The following RPA1 variants were observed in gnomAD, a reference collection of about 807,000 sequenced individuals.
RPA1 encodes the protein replication protein A 70 kDa DNA-binding subunit.
In RPA1, 49 loss-of-function variants were observed where a neutral mutation model predicts 83.0. The ratio of observed to expected loss-of-function variants is 0.59; its 90% CI spans 0.47 to 0.75. RPA1 has a LOEUF of 0.75. Ranked by LOEUF, RPA1 falls within the 30% of genes least tolerant of loss-of-function variation. The pLI is 0.00. For synonymous variants in RPA1, 279 were observed against 281.8 expected, an observed-to-expected ratio of 0.99 and a Z score of 0.10; for missense variants, 693 against 776.1, an observed-to-expected ratio of 0.89 and a Z score of 1.27.
intron 5 of RPA1, chr17:1,857,976 A>G (rs907572311): frequency 1.8e-5 from 28 of 1,587,768 alleles, no homozygotes; most frequent in Admixed American, 1.2e-4. Context: ...GATAAGAATG[A>G]CAAACAGAAA....
In RPA1 at chr17:1,893,521, G is replaced by T. The variant is rs553559618; in HGVS notation, c.1660-1488G>T. 3.3e-5 allele frequency among the ~76,000 whole-genome samples: 5 copies of T among 152,238 alleles called. No individual in the cohort carries two copies. The South Asian group carries it at 1.0e-3, about 32-fold the overall frequency. On this transcript the variant is annotated intron_variant, in intron 15 of 16. Coordinates refer to ENST00000254719, the MANE Select transcript of RPA1 (RefSeq NM_002945.5). ...TAGCAAAGCTGCTTTCACGCCGTGCGTGACTTGCAAAAAACACTAGGTTGG... is the reference window on the plus strand; with the variant it reads ...TAGCAAAGCTGCTTTCACGCCGTGCTTGACTTGCAAAAAACACTAGGTTGG...
intron 5 of RPA1, among the ~76,000 whole-genome samples, chr17:1,862,378 A>G (rs898774669): frequency 6.6e-6 from 1 of 151,300 alleles, no homozygotes. Context: ...TGCTGTCCAC[A>G]TGGAAGAAGT....
intron 4 of RPA1, 68 bp downstream of exon 4, chr17:1,844,754 C>G: frequency 8.3e-7 from 1 of 1,210,920 alleles, no homozygotes. Context: ...ATAAAAAAGG[C>G]AATAGTGAGT....
At chr17:1,876,455 T>C (rs2151285817) in intron 7 of RPA1, among the ~76,000 whole-genome samples, 1 of 152,278 alleles carries the variant, frequency 6.6e-6, no homozygotes, top group East Asian at 1.9e-4. Flanking sequence ...CTCAGGAGGC[T>C]GAGGCAGAAG....
intron 1 of RPA1, among the ~76,000 whole-genome samples, chr17:1,834,221 A>T (rs35254243): frequency 0.057 from 8,692 of 152,188 alleles, 360 homozygotes; most frequent in Non-Finnish European, 0.084. Flanking sequence ...AAATAATTTG[A>T]TAAGTTTTTT....
intron 1 of RPA1, among the ~76,000 whole-genome samples, chr17:1,838,976 G>A (rs1486613336): frequency 1.3e-5 from 2 of 151,878 alleles, no homozygotes; most frequent in African/African-American, 2.4e-5. Flanking sequence ...TCAGCCTCCC[G>A]AGTAGCTGGG....
intron 8 of RPA1, 26 bp from the exon 9 acceptor site, chr17:1,878,967 C>A: frequency 6.2e-7 from 1 of 1,613,686 alleles, no homozygotes; most frequent in Admixed American, 1.7e-5. Flanking sequence ...ATCCCGCAGC[C>A]CTAACCTGCC....
chr17:1,856,061 C>T (rs576675424), intron 5 of RPA1, among the ~76,000 whole-genome samples: 11 of 152,224 alleles, frequency 7.2e-5, no homozygotes, highest in Non-Finnish European at 1.2e-4. Flanking sequence ...CAGTGGCTCA[C>T]ACTTGTAATC....
At chr17:1,875,897 T>A in intron 7 of RPA1, 104 bp downstream of exon 7, 1 of 1,080,986 alleles carries the variant, frequency 9.3e-7, no homozygotes, top group Non-Finnish European at 1.2e-6. Flanking sequence ...CACCACCAAA[T>A]ACCACCAAAT....
intron 14 of RPA1, 65 bp from the exon 15 acceptor site, chr17:1,891,768 C>T (rs1224021315): frequency 6.6e-6 from 7 of 1,063,056 alleles, no homozygotes; most frequent in Non-Finnish European, 4.2e-6. Context: ...TTAACCTCTC[C>T]CCATCTTCTC....
chr17:1,888,894 A>G lies in RPA1; in HGVS notation c.1551+43A>G, dbSNP rs528618174. The G allele has an allele frequency of 2.2e-5, 35 of 1,584,080 alleles. No homozygotes were observed. In the South Asian group the frequency reaches 3.3e-4, roughly 15 times the overall value. On this transcript the variant is annotated intron_variant, in intron 14 of 16. Coordinates refer to ENST00000254719, the MANE Select transcript of RPA1 (RefSeq NM_002945.5). ...ATGAGAACCACGGTTGTGTTCACGG[A>G]GGCCCTCCCGTGTGCCAGGCACTGT...
chr17:1,866,574 C>T (rs1913181710), intron 5 of RPA1, among the ~76,000 whole-genome samples: 1 of 152,094 alleles, frequency 6.6e-6, no homozygotes, highest in Non-Finnish European at 1.5e-5. Flanking sequence ...ACCTCTGCCT[C>T]CCGAAGTGCT....
At chr17:1,862,473 GCAGTTGCATGATCTTGGCT>G in intron 5 of RPA1, among the ~76,000 whole-genome samples, 1 of 151,768 alleles carries the variant, frequency 6.6e-6, no homozygotes. Flanking sequence ...AGGCTGGAGT[GCAGTTGCATGATCTTGGCT>G]CACTGCAACC....
intron 14 of RPA1, 89 bp from the exon 15 acceptor site, chr17:1,891,744 G>A (rs1465675982): frequency 1.2e-6 from 1 of 866,816 alleles, no homozygotes; most frequent in Non-Finnish European, 1.8e-6. Context: ...ATTTTAATAA[G>A]TGGAAAAAGA....
rs191909011 is a variant in RPA1, at chr17:1,844,009, T to G, written c.163+11T>G. On this transcript the variant is annotated intron_variant, in intron 3 of 16. Transcript: ENST00000254719. ...TGAACACTCTATCCTGTGAGTATGG[T>G]GTATCCATCTAGAAATGTGTGAGTA... is the stretch of plus-strand genomic sequence containing the variant. 8.4e-4 allele frequency: 1,351 copies of G among 1,610,216 alleles called. 3 individuals carry two copies. The highest frequency in any genetic ancestry group is 1.1e-3 in the Non-Finnish European group (1,255 of 1,177,132).
chr17:1,880,652 C>A lies in RPA1; in HGVS notation c.1202C>A (p.Ala401Glu), dbSNP rs1261683316. 1.2e-6 allele frequency: 2 copies of A among 1,613,934 alleles called. No homozygotes were observed. ...LSVLSSSTII[A>E]NPDIPEAYKL... ...GTGCTGTCTTCAAGCACTATCATTG[C>A]GAATCCTGACATCCCAGAGGCCTAT... The change falls in exon 12 of 17, where the codon GCG (alanine) becomes GAG (glutamate). Residue 401 changes from alanine to glutamate, a missense_variant. Ala to Glu is a moderately radical substitution (Grantham distance 107). Transcript: ENST00000254719.
chr17:1,874,032 T>TATACACACACACACAC (rs1171343408), intron 6 of RPA1, among the ~76,000 whole-genome samples: 40 of 79,230 alleles, frequency 5.0e-4, no homozygotes, highest in African/African-American at 2.3e-3. Flanking sequence ...TATATATATA[T>TATACACACACACACAC]ACACACACAC....
chr17:1,859,251 TG>T (rs2151278128), intron 5 of RPA1, among the ~76,000 whole-genome samples: 1 of 152,282 alleles, frequency 6.6e-6, no homozygotes, highest in South Asian at 2.1e-4. Flanking sequence ...GTAAATTCTG[TG>T]TGTACTTGAA....
intron 1 of RPA1, among the ~76,000 whole-genome samples, chr17:1,831,748 G>A (rs1301145217): frequency 1.3e-4 from 20 of 149,968 alleles, no homozygotes; most frequent in South Asian, 6.3e-4. Context: ...ACAGGTACCC[G>A]CCACCACGCC....
Sources: allele counts gnomAD v4.1 joint callset (sites outside exome capture counted in the v4.1 genomes callset), GRCh38; gene constraint gnomAD v4.1.1; transcripts MANE v1.5; gene names NCBI Gene and HGNC (gene_info 2026-07-23, HGNC 2026-07-21).